The following MEI4 variants were observed in gnomAD, a reference collection of about 807,000 sequenced individuals.
The protein encoded by MEI4 is meiosis-specific protein MEI4.
Under a neutral mutation model 31.4 loss-of-function variants are expected in MEI4, and 27 were observed. The ratio of observed to expected loss-of-function variants is 0.86; its 90% CI spans 0.63 to 1.19. The LOEUF (loss-of-function observed/expected upper bound fraction) is 1.19, where lower values mean the gene tolerates loss of function less well. MEI4 is among the 50% of genes most tolerant of loss of function. The pLI, the probability that MEI4 is intolerant of heterozygous loss-of-function variation, is 0.00. For synonymous variants in MEI4, 122 were observed against 145.4 expected (o/e 0.84, Z 1.16); for missense variants, 329 against 398.9 (o/e 0.82, Z 1.49).
intron 2 of MEI4, among the ~76,000 whole-genome samples, chr6:77,695,182 G>C (rs1765993123): frequency 6.6e-6 from 1 of 152,002 alleles, no homozygotes; most frequent in African/African-American, 2.4e-5. Flanking sequence ...CAGATGAGTA[G>C]GTTGCAAAAA....
At chr6:77,885,138 C>A (rs779435343) in intron 4 of MEI4, among the ~76,000 whole-genome samples, 25 of 148,612 alleles carry the variant, frequency 1.7e-4, no homozygotes, top group African/African-American at 4.4e-4. Flanking sequence ...TTCTTGATTT[C>A]TTTCTCAAAT....
Position 77,695,885 on chromosome 6 carries a change from C to A in MEI4, c.232+4982C>A, listed in dbSNP as rs9443446. On this transcript the variant is annotated intron_variant, in intron 2 of 4. Transcript: ENST00000684080. ...GGCCATTTTCACGATATAGATTCTT[C>A]CTACCCATGAGCATGGAATGGTCTT... 6.9e-3 allele frequency among the ~76,000 whole-genome samples: 1,056 copies of A among 152,228 alleles called. 13 individuals carry two copies. The highest frequency in any genetic ancestry group is 0.024 in the African/African-American group (996 of 41,516).
intron 2 of MEI4, among the ~76,000 whole-genome samples, chr6:77,740,687 C>G (rs147765674): frequency 3.9e-5 from 6 of 151,982 alleles, no homozygotes; most frequent in Non-Finnish European, 8.8e-5. Context: ...ATGGTACTAA[C>G]AAATTGTGTA....
intron 3 of MEI4, among the ~76,000 whole-genome samples, chr6:77,809,423 C>A (rs1582171640): frequency 6.6e-6 from 1 of 152,060 alleles, no homozygotes; most frequent in Non-Finnish European, 1.5e-5. Context: ...GTTGTAATTT[C>A]TTTATATGTG....
At chr6:77,735,924 A>G (rs541842319) in intron 2 of MEI4, among the ~76,000 whole-genome samples, 1,641 of 151,500 alleles carry the variant, frequency 0.011, 37 homozygotes, top group African/African-American at 0.037. Flanking sequence ...CTGCTGGGGG[A>G]TGCCTCCCAG....
At chr6:77,885,557 A>G (rs1190239942) in intron 4 of MEI4, among the ~76,000 whole-genome samples, 1 of 152,124 alleles carries the variant, frequency 6.6e-6, no homozygotes, top group Admixed American at 6.6e-5. Context: ...ATCATGTCTA[A>G]GAGTTTCTTG....
chr6:77,766,333 T>A (rs991782390), intron 3 of MEI4, among the ~76,000 whole-genome samples: 10 of 152,210 alleles, frequency 6.6e-5, no homozygotes, highest in African/African-American at 2.4e-4. Flanking sequence ...CGTTTTTGCT[T>A]CAATCACAGT....
chr6:77,875,800 A>G (rs910203155), intron 4 of MEI4, among the ~76,000 whole-genome samples: 3 of 152,214 alleles, frequency 2.0e-5, no homozygotes, highest in Non-Finnish European at 2.9e-5. Context: ...TGAGAGATGC[A>G]TATACCCTTT....
At chr6:77,750,581 A>G (rs1362213403) in intron 2 of MEI4, among the ~76,000 whole-genome samples, 1 of 152,208 alleles carries the variant, frequency 6.6e-6, no homozygotes, top group Non-Finnish European at 1.5e-5. Context: ...TATCCTAAAT[A>G]TATATGCAGC....
chr6:77,760,470 C>T (rs896510167), intron 2 of MEI4, among the ~76,000 whole-genome samples: 16 of 151,962 alleles, frequency 1.1e-4, no homozygotes, highest in Admixed American at 9.2e-4. Flanking sequence ...ATGATCTGGC[C>T]TCTATATTAT....
intron 1 of MEI4, among the ~76,000 whole-genome samples, chr6:77,681,713 G>A (rs1768960286): frequency 6.6e-6 from 1 of 152,118 alleles, no homozygotes. Flanking sequence ...AGAGACCGTA[G>A]ACAATTAAAA....
chr6:77,718,472 TG>T (rs1766633584), intron 2 of MEI4, among the ~76,000 whole-genome samples: 1 of 148,476 alleles, frequency 6.7e-6, no homozygotes, highest in Admixed American at 6.7e-5. Context: ...GTTTACTGAC[TG>T]AACAGAAGAG....
chr6:77,867,060 T>C (rs1426256003), intron 4 of MEI4, among the ~76,000 whole-genome samples: 3 of 152,146 alleles, frequency 2.0e-5, no homozygotes, highest in South Asian at 2.1e-4. Context: ...TAACACCTTA[T>C]ACAAAAATTA....
chr6:77,824,206 T>G (rs1206984742), intron 3 of MEI4, among the ~76,000 whole-genome samples: 1 of 152,016 alleles, frequency 6.6e-6, no homozygotes, highest in Non-Finnish European at 1.5e-5. Flanking sequence ...TCTCCTGCCT[T>G]GGCCTCCCAA....
chr6:77,900,101 A>G (rs1029401216), intron 4 of MEI4, among the ~76,000 whole-genome samples: 25 of 152,036 alleles, frequency 1.6e-4, no homozygotes, highest in Admixed American at 1.6e-3. Context: ...ATGAGATATC[A>G]CTGCATCTCA....
upstream of MEI4, among the ~76,000 whole-genome samples, chr6:77,650,433 G>A (rs1316269537): frequency 6.6e-6 from 1 of 152,326 alleles, no homozygotes; most frequent in East Asian, 1.9e-4. Context: ...GGCCCTGGGC[G>A]CTGGCCAGCG....
At chr6:77,912,300 G>C (rs1408241501) in intron 4 of MEI4, among the ~76,000 whole-genome samples, 2 of 152,016 alleles carry the variant, frequency 1.3e-5, no homozygotes, top group Non-Finnish European at 2.9e-5. Flanking sequence ...GATTGCTTTG[G>C]ATATTTGGGC....
intron 4 of MEI4, among the ~76,000 whole-genome samples, chr6:77,853,908 T>C (rs1234540746): frequency 6.6e-6 from 1 of 152,216 alleles, no homozygotes; most frequent in African/African-American, 2.4e-5. Flanking sequence ...TAGTTAATTG[T>C]GTTTTGTTTA....
intron 3 of MEI4, among the ~76,000 whole-genome samples, chr6:77,809,906 C>T (rs923875036): frequency 1.3e-5 from 2 of 152,078 alleles, no homozygotes; most frequent in African/African-American, 2.4e-5. Flanking sequence ...TTTGCTAAGT[C>T]TAGCAGCTCT....
Sources: gnomAD v4.1 joint callset for allele counts (sites outside exome capture counted in the v4.1 genomes callset) on GRCh38, gnomAD v4.1.1 for gene constraint, MANE v1.5 for transcripts, NCBI Gene and HGNC (gene_info 2026-07-23, HGNC 2026-07-21) for gene names.